CAMTA1: variants seen among roughly 807,000 people sequenced by gnomAD.
CAMTA1 encodes the protein calmodulin binding transcription activator 1, also known as calmodulin-binding transcription activator 1.
CAMTA1 carries 27 observed loss-of-function variants against 170.9 expected under a neutral mutation model. The ratio of observed to expected loss-of-function variants is 0.16; its 90% CI spans 0.12 to 0.22. CAMTA1 has a LOEUF of 0.22. CAMTA1 is among the 10% of genes least tolerant of loss of function. The pLI is 1.00. For synonymous variants in CAMTA1, 833 were observed against 891.5 expected, an observed-to-expected ratio of 0.93 and a Z score of 1.17; for missense variants, 1,619 against 2,217.2, an observed-to-expected ratio of 0.73 and a Z score of 5.42.
chr1:7,065,282 T>G lies in CAMTA1; in HGVS notation c.235-26022T>G, dbSNP rs571845621. Among the ~76,000 whole-genome samples, 7 of 152,184 alleles carry G rather than the reference T, an allele frequency of 4.6e-5. No individual in the cohort carries two copies. In the East Asian group the frequency reaches 1.2e-3, roughly 25 times the overall value. On this transcript the variant is annotated intron_variant, in intron 3 of 22. Coordinates refer to ENST00000303635, the MANE Select transcript of CAMTA1 (RefSeq NM_015215.4). The surrounding 1 kb of genome is among the most constrained non-coding windows in gnomAD (Gnocchi z 5.2). ...CAGAGGAGAAGGGGGAACCAGTTGTTGCAGGAAGATGGACAGCCCATGAGG... is the reference window on the plus strand; with the variant it reads ...CAGAGGAGAAGGGGGAACCAGTTGTGGCAGGAAGATGGACAGCCCATGAGG...
At chr1:7,502,247 C>G (rs2094018478) in intron 6 of CAMTA1, among the ~76,000 whole-genome samples, 2 of 152,232 alleles carry the variant, frequency 1.3e-5, no homozygotes, top group South Asian at 4.1e-4. Flanking sequence ...TGGCCAACGG[C>G]AAGCCTAAAC....
At position 7,736,545 on chromosome 1, in the gene CAMTA1, G is replaced by T; in HGVS notation, c.3263+5G>T. The T allele has an allele frequency of 6.2e-7, 1 of 1,613,476 alleles. No individual in the cohort carries two copies. Among genetic ancestry groups the T allele is most frequent in the Non-Finnish European group, 8.5e-7 (1 of 1,179,462 alleles). On this transcript the variant is annotated splice_donor_5th_base_variant and intron_variant, in intron 13 of 22. Coordinates refer to ENST00000303635, the MANE Select transcript of CAMTA1 (RefSeq NM_015215.4). The surrounding 1 kb of genome is among the most constrained non-coding windows in gnomAD (Gnocchi z 4.5). ...CCAGACCCTCATCAAATGGCGGTAA[G>T]GCTGTGGTGCAGCTGGCTGGGGGTC...
rs143059648 is a variant in CAMTA1 at position 6,921,877 on chromosome 1, A to G, written c.234+96667A>G. Among the ~76,000 whole-genome samples the G allele has an allele frequency of 3.9e-3, 592 of 152,316 alleles. 3 individuals are homozygous for G. Among genetic ancestry groups the G allele is most frequent in the African/African-American group, 0.014 (574 of 41,566 alleles). Reference sequence around the variant, plus strand: ...GTCCCTCCCACAACACATGGGAATTATGGGAGCTACAAGATGAGATTTGGG... The same window carrying G: ...GTCCCTCCCACAACACATGGGAATTGTGGGAGCTACAAGATGAGATTTGGG... On this transcript the variant is annotated intron_variant, in intron 3 of 22. Coordinates refer to ENST00000303635, the MANE Select transcript of CAMTA1 (RefSeq NM_015215.4).
chr1:6,817,865 A>G (rs1406969685), intron 1 of CAMTA1, among the ~76,000 whole-genome samples: 1 of 152,172 alleles, frequency 6.6e-6, no homozygotes, highest in African/African-American at 2.4e-5. Flanking sequence ...CAGAAATAGA[A>G]AAGAAAGAAT....
intron 3 of CAMTA1, among the ~76,000 whole-genome samples, chr1:6,826,414 A>G (rs1418066240): frequency 2.0e-5 from 3 of 152,232 alleles, no homozygotes; most frequent in Non-Finnish European, 1.5e-5. Flanking sequence ...TTTATTAACT[A>G]TTTCAGACAT....
chr1:7,391,515 T>C (rs1292873924), intron 5 of CAMTA1, among the ~76,000 whole-genome samples: 2 of 152,138 alleles, frequency 1.3e-5, no homozygotes, highest in African/African-American at 4.8e-5. Flanking sequence ...AATTAACATA[T>C]GGTAAAAATT....
chr1:7,171,073 G>C (rs1649499684), intron 4 of CAMTA1, among the ~76,000 whole-genome samples: 1 of 152,166 alleles, frequency 6.6e-6, no homozygotes, highest in Non-Finnish European at 1.5e-5. Context: ...TTTAATGGTG[G>C]ATTTGTTCAG....
At chr1:7,614,305 T>G (rs1276036513) in intron 6 of CAMTA1, among the ~76,000 whole-genome samples, 2 of 152,092 alleles carry the variant, frequency 1.3e-5, no homozygotes, top group Admixed American at 1.3e-4. Flanking sequence ...GTTGGAGCTC[T>G]GGCGTGGAGC....
intron 3 of CAMTA1, among the ~76,000 whole-genome samples, chr1:6,962,666 G>A (rs1323610832): frequency 2.0e-5 from 2 of 99,444 alleles, no homozygotes; most frequent in Non-Finnish European, 3.9e-5. Flanking sequence ...GCCCCTGTCT[G>A]GTTCCACCCA....
At chr1:6,907,188 G>GT (rs1678697401) in intron 3 of CAMTA1, among the ~76,000 whole-genome samples, 2 of 152,222 alleles carry the variant, frequency 1.3e-5, no homozygotes, top group Non-Finnish European at 2.9e-5. Context: ...TGGTAAAACA[G>GT]TAAGAGTTAT....
At chr1:6,801,484 C>G (rs909568184) in intron 1 of CAMTA1, among the ~76,000 whole-genome samples, 1 of 151,936 alleles carries the variant, frequency 6.6e-6, no homozygotes, top group East Asian at 1.9e-4. Context: ...AGGCTCCTGG[C>G]CCTTGTCATT....
At chr1:6,817,863 G>T (rs1646016749) in intron 1 of CAMTA1, among the ~76,000 whole-genome samples, 1 of 152,124 alleles carries the variant, frequency 6.6e-6, no homozygotes, top group Non-Finnish European at 1.5e-5. Context: ...TACAGAAATA[G>T]AAAAGAAAGA....
intron 3 of CAMTA1, among the ~76,000 whole-genome samples, chr1:7,085,486 A>G (rs1640617054): frequency 6.6e-6 from 1 of 152,280 alleles, no homozygotes; most frequent in Non-Finnish European, 1.5e-5. Context: ...CTGAAAAACC[A>G]GGAAGGGAGA....
chr1:7,365,267 C>G (rs189681375), intron 5 of CAMTA1, among the ~76,000 whole-genome samples: 85 of 152,346 alleles, frequency 5.6e-4, no homozygotes, highest in Admixed American at 3.5e-3. Context: ...ACCCATAACA[C>G]CCATTCAGGC....
intron 3 of CAMTA1, among the ~76,000 whole-genome samples, chr1:6,908,531 C>T (rs1679045092): frequency 6.6e-6 from 1 of 152,230 alleles, no homozygotes; most frequent in Non-Finnish European, 1.5e-5. Context: ...GGTCTACTGT[C>T]AACTGGAGGC....
chr1:7,495,204 G>A (rs1750848), intron 6 of CAMTA1, among the ~76,000 whole-genome samples: 98,218 of 152,110 alleles, frequency 0.65, 32,653 homozygotes, highest in East Asian at 0.82. Flanking sequence ...CTGCATCCTC[G>A]TGAGAGACGG....
intron 4 of CAMTA1, among the ~76,000 whole-genome samples, chr1:7,106,488 T>C (rs142021413): frequency 6.6e-6 from 1 of 152,258 alleles, no homozygotes; most frequent in African/African-American, 2.4e-5. Context: ...TTATGTGACT[T>C]ACCCAAGGTC....
chr1:6,908,199 A>G (rs1678958458), intron 3 of CAMTA1, among the ~76,000 whole-genome samples: 1 of 152,140 alleles, frequency 6.6e-6, no homozygotes, highest in African/African-American at 2.4e-5. Context: ...ACTTAATGCT[A>G]TCCGTCATCA....
intron 6 of CAMTA1, among the ~76,000 whole-genome samples, chr1:7,492,777 GCA>G (rs142048317): frequency 9.6e-5 from 13 of 135,416 alleles, no homozygotes; most frequent in African/African-American, 2.8e-4. Context: ...ATACACAAGT[GCA>G]CACACAAACA....
Sources: gnomAD v4.1 joint callset for allele counts (sites outside exome capture counted in the v4.1 genomes callset) on GRCh38, gnomAD v4.1.1 for gene constraint, Gnocchi (gnomAD v3.1) non-coding constraint, MANE v1.5 for transcripts, NCBI Gene and HGNC (gene_info 2026-07-23, HGNC 2026-07-21) for gene names.